PNPLA8: variants seen among roughly 807,000 people sequenced by gnomAD.
PNPLA8 encodes the protein patatin like domain 8, phospholipase A2.
A neutral mutation model predicts 76.9 loss-of-function variants in PNPLA8; 39 were observed. That is an observed-to-expected ratio of 0.51 (90% CI 0.39 to 0.66). The LOEUF (loss-of-function observed/expected upper bound fraction) is 0.66, where lower values mean the gene tolerates loss of function less well. Among genes scored for constraint, PNPLA8 ranks in the 30% least tolerant of loss-of-function variants. PNPLA8 has a pLI of 0.00. For synonymous variants in PNPLA8, 301 were observed against 307.9 expected, an observed-to-expected ratio of 0.98 and a Z score of 0.24; for missense variants, 887 against 918.0, an observed-to-expected ratio of 0.97 and a Z score of 0.44.
intron 8 of PNPLA8, 85 bp downstream of exon 8, chr7:108,491,325 T>G: frequency 2.5e-6 from 2 of 810,012 alleles, no homozygotes; most frequent in Non-Finnish European, 4.2e-6. Flanking sequence ...AAAAATAAAA[T>G]AAAATAAAAT....
chr7:108,480,291 C>A (rs760675186), intron 9 of PNPLA8, among the ~76,000 whole-genome samples: 2 of 152,104 alleles, frequency 1.3e-5, no homozygotes, highest in Non-Finnish European at 2.9e-5. Context: ...TTGCTTGAGC[C>A]CGGGAGGTCA....
chr7:108,519,778 T>C (rs1368246352), intron 2 of PNPLA8, among the ~76,000 whole-genome samples: 1 of 151,442 alleles, frequency 6.6e-6, no homozygotes, highest in Non-Finnish European at 1.5e-5. Flanking sequence ...ACCAGACAGA[T>C]TCCCCAAGGG....
intron 5 of PNPLA8, among the ~76,000 whole-genome samples, chr7:108,500,995 G>A (rs540586295): frequency 6.6e-6 from 1 of 152,148 alleles, no homozygotes; most frequent in Non-Finnish European, 1.5e-5. Context: ...CCTTCTCTCA[G>A]TACTTATTCC....
At chr7:108,482,029 G>A (rs1035089078) in intron 9 of PNPLA8, among the ~76,000 whole-genome samples, 2 of 152,140 alleles carry the variant, frequency 1.3e-5, no homozygotes, top group Non-Finnish European at 2.9e-5. Flanking sequence ...ATATGTGGGA[G>A]TCTATTTCTG....
At chr7:108,502,096 T>C (rs1249745582) in intron 5 of PNPLA8, among the ~76,000 whole-genome samples, 5 of 152,062 alleles carry the variant, frequency 3.3e-5, no homozygotes, top group Middle Eastern at 3.4e-3. Flanking sequence ...TTTATTTATA[T>C]CAAATCTTTT....
At chr7:108,496,332 A>G (rs900912943) in intron 7 of PNPLA8, 4 of 316,408 alleles carry the variant, frequency 1.3e-5, no homozygotes, top group Non-Finnish European at 2.3e-5. Context: ...AGTATCTCAT[A>G]TTTTTAAAAA....
intron 1 of PNPLA8, among the ~76,000 whole-genome samples, chr7:108,522,649 G>A (rs554115956): frequency 2.4e-4 from 37 of 152,192 alleles, no homozygotes; most frequent in East Asian, 1.9e-4. Context: ...CCTTAAACTC[G>A]ACAAAATTTT....
intron 9 of PNPLA8, chr7:108,479,605 A>G: frequency 3.4e-6 from 2 of 580,662 alleles, no homozygotes; most frequent in Non-Finnish European, 6.2e-6. Flanking sequence ...GAACTTCTTA[A>G]ATTGCTTTGC....
At position 108,510,409 on chromosome 7, in the gene PNPLA8, A is replaced by C. The variant is rs1348774710; in HGVS notation, c.1206+3735T>G. ...AAAAAGCAAAGCACTATCACAGGGA[A>C]TATAGGCAGATGTACAGAACTGAAA... On this transcript the variant is annotated intron_variant, in intron 4 of 10. Coordinates refer to ENST00000257694, the MANE Select transcript of PNPLA8 (RefSeq NM_001256007.3). The C allele has an allele frequency of 3.3e-6, 5 of 1,512,152 alleles. No individual in the cohort carries two copies. In the East Asian group the frequency reaches 9.0e-5, roughly 27 times the overall value. The allele number at this position is 1,512,152 out of a possible 1,614,324, so 93.7% of individuals were successfully genotyped here. A position where few individuals can be genotyped will look rare whatever the true frequency, so the allele number is the denominator to read the frequency against.
chr7:108,485,874 T>A (rs940145212), intron 9 of PNPLA8, among the ~76,000 whole-genome samples: 1 of 152,110 alleles, frequency 6.6e-6, no homozygotes, highest in Non-Finnish European at 1.5e-5. Context: ...CTGAAGCTTA[T>A]TGATTTATAT....
At chr7:108,476,011 A>C in intron 10 of PNPLA8, among the ~76,000 whole-genome samples, 1 of 152,190 alleles carries the variant, frequency 6.6e-6, no homozygotes, top group East Asian at 1.9e-4. Flanking sequence ...TTTATGTCTT[A>C]TAAGCTGTCT....
Position 108,493,420 on chromosome 7 carries a change from T to C in PNPLA8, c.1626-1953A>G, listed in dbSNP as rs75468884. Reference sequence around the variant, plus strand: ...AATAGATATGAATTTTATATATATATATTTTTTGAGACGGAGTCTCGCTCT... The same window carrying C: ...AATAGATATGAATTTTATATATATACATTTTTTGAGACGGAGTCTCGCTCT... On this transcript the variant is annotated intron_variant, in intron 7 of 10. Transcript: ENST00000257694. Among the ~76,000 whole-genome samples, 5 of 152,108 alleles carry C rather than the reference T, an allele frequency of 3.3e-5. No individual in the cohort carries two copies. The East Asian group carries it at 9.6e-4, about 29-fold the overall frequency.
chr7:108,517,306 G>A (rs1300696596), intron 2 of PNPLA8, among the ~76,000 whole-genome samples: 1 of 152,178 alleles, frequency 6.6e-6, no homozygotes, highest in Non-Finnish European at 1.5e-5. Flanking sequence ...CATTGCTGAA[G>A]AAAGACAAAA....
At chr7:108,473,770 T>C (rs1348435089) in intron 10 of PNPLA8, among the ~76,000 whole-genome samples, 2 of 152,216 alleles carry the variant, frequency 1.3e-5, no homozygotes, top group Non-Finnish European at 2.9e-5. Context: ...AGTGGTGCAA[T>C]CATGGCTCAC....
chr7:108,471,803 T>C lies in PNPLA8; in HGVS notation c.*598A>G, dbSNP rs1859649668. 1 of 152,154 alleles carries C rather than the reference T, an allele frequency of 6.6e-6. No homozygotes were observed. Among genetic ancestry groups the C allele is most frequent in the South Asian group, 2.1e-4 (1 of 4,834 alleles). 9.4% of individuals were successfully genotyped at this position (152,154 alleles called of 1,614,324 possible). A position where few individuals can be genotyped will look rare whatever the true frequency, so the allele number is the denominator to read the frequency against. On this transcript the variant is annotated 3_prime_UTR_variant, in exon 11 of 11. Coordinates refer to ENST00000257694, the MANE Select transcript of PNPLA8 (RefSeq NM_001256007.3). ...AACTTCACCTTTTTTAACCAAACAA[T>C]GTTAAAATAAACATATCTGAATAGA...
At chr7:108,523,310 G>T (rs999165571) in intron 1 of PNPLA8, among the ~76,000 whole-genome samples, 2 of 152,168 alleles carry the variant, frequency 1.3e-5, no homozygotes, top group African/African-American at 2.4e-5. Context: ...ACAGTACTGA[G>T]GAGAGCAAAG....
chr7:108,504,200 T>C (rs1862166562), intron 4 of PNPLA8, among the ~76,000 whole-genome samples: 1 of 152,198 alleles, frequency 6.6e-6, no homozygotes, highest in Non-Finnish European at 1.5e-5. Flanking sequence ...CAGAAAAAGA[T>C]ATAATTTGAT....
intron 7 of PNPLA8, among the ~76,000 whole-genome samples, chr7:108,496,242 C>T (rs1271290909): frequency 6.6e-6 from 1 of 151,906 alleles, no homozygotes; most frequent in Non-Finnish European, 1.5e-5. Flanking sequence ...TGTCGAAAAA[C>T]AAATAAAAAT....
rs200358033 is a variant in PNPLA8, at chr7:108,502,543, G to C, written c.1306C>G (p.Pro436Ala). 1.9e-5 allele frequency: 30 copies of C among 1,611,748 alleles called. No individual in the cohort carries two copies. In the African/African-American group the frequency reaches 3.8e-4, roughly 20 times the overall value. Residue 436 changes from proline to alanine, a missense_variant, in exon 5 of 11, where the codon CCA becomes GCA. Coordinates refer to ENST00000257694, the MANE Select transcript of PNPLA8 (RefSeq NM_001256007.3). ...EILALIGYVD[P>A]VKGRGIRILS... Reference sequence around the variant, plus strand: ...ATTCGGATTCCTCTCCCTTTCACTGGATCCACATAGCCAATTAGGGCCAAA... The same window carrying C: ...ATTCGGATTCCTCTCCCTTTCACTGCATCCACATAGCCAATTAGGGCCAAA...
Sources: allele counts gnomAD v4.1 joint callset (sites outside exome capture counted in the v4.1 genomes callset), GRCh38; gene constraint gnomAD v4.1.1; transcripts MANE v1.5; gene names NCBI Gene and HGNC (gene_info 2026-07-23, HGNC 2026-07-21).